The following AUTS2 variants were observed in gnomAD, a reference collection of about 807,000 sequenced individuals.
AUTS2 encodes the protein autism susceptibility gene 2 protein.
AUTS2 carries 17 observed loss-of-function variants against 112.4 expected under a neutral mutation model. The observed-to-expected ratio is 0.15, with a 90% CI of 0.10 to 0.23. The LOEUF is 0.23. Ranked by LOEUF, AUTS2 falls within the 10% of genes least tolerant of loss-of-function variation. AUTS2 has a pLI of 1.00. For synonymous variants in AUTS2, 751 were observed against 702.7 expected (o/e 1.07, Z -1.09); for missense variants, 1,510 against 1,701.6 (o/e 0.89, Z 1.98).
intron 6 of AUTS2, among the ~76,000 whole-genome samples, chr7:70,706,497 C>G (rs762097305): frequency 1.3e-5 from 2 of 152,312 alleles, no homozygotes; most frequent in Admixed American, 6.5e-5. Context: ...ATGGGTAATG[C>G]TATCTGCCAC....
At chr7:69,705,888 T>C (rs1023913189) in intron 1 of AUTS2, among the ~76,000 whole-genome samples, 1 of 152,000 alleles carries the variant, frequency 6.6e-6, no homozygotes, top group African/African-American at 2.4e-5. Context: ...GGTGCACATA[T>C]CCGTGTTCAG....
intron 5 of AUTS2, among the ~76,000 whole-genome samples, chr7:70,601,188 A>G (rs1563068322): frequency 6.6e-6 from 1 of 152,208 alleles, no homozygotes; most frequent in Non-Finnish European, 1.5e-5. Flanking sequence ...ACTTGTTAAT[A>G]TCTGTCCTTT....
At chr7:69,904,320 A>C (rs1422917891) in intron 2 of AUTS2, among the ~76,000 whole-genome samples, 2 of 152,212 alleles carry the variant, frequency 1.3e-5, no homozygotes, top group African/African-American at 4.8e-5. Flanking sequence ...TTACTAGTAG[A>C]AATTAACTTG....
chr7:69,684,645 A>G (rs1796977767), intron 1 of AUTS2, among the ~76,000 whole-genome samples: 1 of 152,200 alleles, frequency 6.6e-6, no homozygotes, highest in Non-Finnish European at 1.5e-5. Flanking sequence ...TGACTGTTAC[A>G]GCTGAGTAAC....
intron 1 of AUTS2, among the ~76,000 whole-genome samples, chr7:69,756,858 A>G (rs1787965606): frequency 6.6e-6 from 1 of 152,174 alleles, no homozygotes. Flanking sequence ...ATAAATGTTT[A>G]TTGAATTAGT....
chr7:70,621,331 C>A (rs1470131075), intron 5 of AUTS2, among the ~76,000 whole-genome samples: 1 of 152,178 alleles, frequency 6.6e-6, no homozygotes. Context: ...GGGTTCTCCC[C>A]TTTTTTTCTC....
At chr7:70,742,260 C>T (rs1287566004) in intron 6 of AUTS2, among the ~76,000 whole-genome samples, 1 of 152,172 alleles carries the variant, frequency 6.6e-6, no homozygotes, top group African/African-American at 2.4e-5. Flanking sequence ...AAGAGACATA[C>T]TTGGCTGATC....
At chr7:70,606,530 C>T (rs562815145) in intron 5 of AUTS2, among the ~76,000 whole-genome samples, 15 of 152,182 alleles carry the variant, frequency 9.9e-5, no homozygotes, top group Non-Finnish European at 1.5e-4. Context: ...TATAGTGCAG[C>T]GCCCATAAGC....
intron 1 of AUTS2, among the ~76,000 whole-genome samples, chr7:69,882,499 T>G (rs1173421726): frequency 5.3e-5 from 8 of 152,144 alleles, no homozygotes; most frequent in African/African-American, 1.9e-4. Flanking sequence ...TCTGTTCACA[T>G]GAATGAGAAC....
chr7:70,743,822 C>T (rs1277896935), intron 6 of AUTS2, among the ~76,000 whole-genome samples: 1 of 152,174 alleles, frequency 6.6e-6, no homozygotes, highest in South Asian at 2.1e-4. Context: ...GTGCCAGGCC[C>T]ATAGTTTTGA....
chr7:69,928,804 G>A (rs772766576), intron 2 of AUTS2, among the ~76,000 whole-genome samples: 10 of 152,132 alleles, frequency 6.6e-5, no homozygotes, highest in Non-Finnish European at 1.3e-4. Flanking sequence ...GTGGGTTCCT[G>A]TCCCGCCAAC....
intron 4 of AUTS2, among the ~76,000 whole-genome samples, chr7:70,298,189 G>A (rs868377717): frequency 2.6e-5 from 4 of 151,714 alleles, no homozygotes; most frequent in Admixed American, 1.3e-4. Context: ...CCACCACCAC[G>A]CCCAGCTAGT....
At chr7:70,673,788 G>C (rs183679580) in intron 5 of AUTS2, among the ~76,000 whole-genome samples, 1 of 152,266 alleles carries the variant, frequency 6.6e-6, no homozygotes, top group Admixed American at 6.5e-5. Flanking sequence ...TTCTGTGTTG[G>C]TCACAGAATC....
At chr7:70,051,993 T>A (rs1164603173) in intron 2 of AUTS2, among the ~76,000 whole-genome samples, 1 of 152,138 alleles carries the variant, frequency 6.6e-6, no homozygotes, top group Non-Finnish European at 1.5e-5. Context: ...CTGGATGGAA[T>A]TTATGGAGTG....
intron 4 of AUTS2, among the ~76,000 whole-genome samples, chr7:70,286,047 A>C (rs963503638): frequency 6.6e-6 from 1 of 152,230 alleles, no homozygotes; most frequent in African/African-American, 2.4e-5. Context: ...GGTGGGAGTG[A>C]TAAGTCTTTA....
chr7:70,652,634 C>T (rs754413626), intron 5 of AUTS2, among the ~76,000 whole-genome samples: 4 of 152,182 alleles, frequency 2.6e-5, no homozygotes, highest in Non-Finnish European at 5.9e-5. Context: ...CCTGTAGTCT[C>T]AGCTACTCGA....
chr7:69,661,652 C>T (rs762727085), intron 1 of AUTS2, among the ~76,000 whole-genome samples: 16 of 152,104 alleles, frequency 1.1e-4, no homozygotes, highest in Admixed American at 9.2e-4. Context: ...TTTAAAAAAA[C>T]GGACACTTTT....
intron 17 of AUTS2, 151 bp downstream of exon 17, chr7:70,786,189 G>A (rs1791464387): frequency 1.5e-6 from 1 of 667,062 alleles, no homozygotes; most frequent in African/African-American, 1.8e-5. Context: ...TCACAGTGGG[G>A]TGAGGTGGAA....
chr7:69,658,459 C>T (rs550895902), intron 1 of AUTS2, among the ~76,000 whole-genome samples: 15 of 152,174 alleles, frequency 9.9e-5, no homozygotes, highest in African/African-American at 3.4e-4. Context: ...GGTAGTGGTT[C>T]GTTTATTAGA....
Sources: allele counts gnomAD v4.1 joint callset (sites outside exome capture counted in the v4.1 genomes callset), GRCh38; gene constraint gnomAD v4.1.1; transcripts MANE v1.5; gene names NCBI Gene and HGNC (gene_info 2026-07-23, HGNC 2026-07-21).